The following SH2D1B variants were observed in gnomAD, a reference collection of about 807,000 sequenced individuals.
The protein encoded by SH2D1B is SH2 domain containing 1B.
SH2D1B carries 11 observed loss-of-function variants against 16.3 expected under a neutral mutation model. That is an observed-to-expected ratio of 0.67 (90% CI 0.42 to 1.11). SH2D1B has a LOEUF of 1.11. Ranked by LOEUF, SH2D1B falls within the 50% of genes most tolerant of loss-of-function variation. The probability of loss-of-function intolerance (pLI) is 0.00; values close to 1 mark genes in which losing one functional copy is unlikely to be tolerated. For synonymous variants in SH2D1B, 55 were observed against 56.1 expected, an observed-to-expected ratio of 0.98 and a Z score of 0.09; for missense variants, 123 against 153.1, an observed-to-expected ratio of 0.80 and a Z score of 1.04.
chr1:162,409,631 T>C (rs1648746036), intron 1 of SH2D1B, among the ~76,000 whole-genome samples: 1 of 152,100 alleles, frequency 6.6e-6, no homozygotes, highest in Admixed American at 6.5e-5. Flanking sequence ...CAGGCTGGAG[T>C]ATAATGGCGC....
chr1:162,404,717 T>C (rs539486175), intron 1 of SH2D1B, among the ~76,000 whole-genome samples: 96 of 152,338 alleles, frequency 6.3e-4, no homozygotes, highest in Non-Finnish European at 1.2e-3. Context: ...CATTAGTCAT[T>C]AGTGAAACGC....
intron 1 of SH2D1B, among the ~76,000 whole-genome samples, chr1:162,411,457 T>C (rs1648794134): frequency 6.6e-6 from 1 of 152,206 alleles, no homozygotes; most frequent in Non-Finnish European, 1.5e-5. Flanking sequence ...TATGATTGTA[T>C]TTATAGTTTA....
chr1:162,403,506 AAAAAAATAT>A (rs1483486687), intron 1 of SH2D1B, among the ~76,000 whole-genome samples: 16 of 24,408 alleles, frequency 6.6e-4, no homozygotes, highest in African/African-American at 1.8e-3. Flanking sequence ...AAAAAAAAAA[AAAAAAATAT>A]ATATATATAT....
intron 1 of SH2D1B, among the ~76,000 whole-genome samples, chr1:162,404,913 CA>C (rs1387480946): frequency 6.6e-6 from 1 of 152,202 alleles, no homozygotes; most frequent in African/African-American, 2.4e-5. Flanking sequence ...GATAAGCCTA[CA>C]TAGAACACAC....
intron 2 of SH2D1B, among the ~76,000 whole-genome samples, chr1:162,399,614 G>T (rs1460812227): frequency 6.6e-6 from 1 of 152,156 alleles, no homozygotes; most frequent in Non-Finnish European, 1.5e-5. Flanking sequence ...CAGGTATCAA[G>T]CCCAGCATTC....
Position 162,397,220 on chromosome 1 carries a change from G to A in SH2D1B, c.*60C>T, listed in dbSNP as rs1222494041. The A allele has an allele frequency of 6.3e-7, 1 of 1,579,178 alleles. No homozygotes were observed. The highest frequency in any genetic ancestry group is 8.7e-7 in the Non-Finnish European group (1 of 1,148,886). On this transcript the variant is annotated 3_prime_UTR_variant, in exon 4 of 4. Coordinates refer to ENST00000367929, the MANE Select transcript of SH2D1B (RefSeq NM_053282.5). ...GCTCTGGACCTATGCCTGCAGAAGT[G>A]GGTCATCAGTGAGAACTGTTACTCA...
chr1:162,403,488 G>GAAAAAAAAAAAA (rs1172751501), intron 1 of SH2D1B, among the ~76,000 whole-genome samples: 13 of 20,680 alleles, frequency 6.3e-4, no homozygotes, highest in South Asian at 2.9e-3. Flanking sequence ...GACTCTGTCT[G>GAAAAAAAAAAAA]AAAAAAAAAA....
intron 1 of SH2D1B, among the ~76,000 whole-genome samples, chr1:162,407,516 T>C (rs1648679390): frequency 6.6e-6 from 1 of 152,234 alleles, no homozygotes. Flanking sequence ...ATAGTGATCA[T>C]GTCGCCTACC....
intron 1 of SH2D1B, among the ~76,000 whole-genome samples, chr1:162,406,841 T>C (rs984712528): frequency 1.3e-5 from 2 of 152,208 alleles, no homozygotes. Flanking sequence ...CTCCTTTTCT[T>C]CACACTTGCA....
At chr1:162,409,127 AAAGG>A (rs1553214789) in intron 1 of SH2D1B, among the ~76,000 whole-genome samples, 5 of 151,286 alleles carry the variant, frequency 3.3e-5, no homozygotes, top group Non-Finnish European at 7.4e-5. Flanking sequence ...AAAAAGAAAG[AAAGG>A]AAGGAAGAGA....
chr1:162,410,947 T>G (rs1414504391), intron 1 of SH2D1B, among the ~76,000 whole-genome samples: 2 of 151,518 alleles, frequency 1.3e-5, no homozygotes, highest in African/African-American at 4.9e-5. Flanking sequence ...TGAGCCACTG[T>G]GCCCAGCCAC....
chr1:162,405,830 C>T (rs1022311187), intron 1 of SH2D1B, among the ~76,000 whole-genome samples: 1 of 152,246 alleles, frequency 6.6e-6, no homozygotes, highest in African/African-American at 2.4e-5. Context: ...ATCTATTTAG[C>T]TTTCAAAGTG....
Position 162,402,649 on chromosome 1 carries a change from G to A in SH2D1B, c.198+90C>T, listed in dbSNP as rs938136470. The stretch of plus-strand genomic sequence containing the variant: ...GTGCTTTCCTTTTTAGAATGCTTTC[G>A]CACAGTCATGGCTCAGGTAAAAGAC... On this transcript the variant is annotated intron_variant, in intron 2 of 3. Transcript: ENST00000367929. 1.8e-5 allele frequency: 19 copies of A among 1,079,880 alleles called. No homozygotes were observed. The African/African-American group carries it at 2.4e-4, about 13-fold the overall frequency. 66.9% of individuals were successfully genotyped at this position (1,079,880 alleles called of 1,614,324 possible).
In SH2D1B at chr1:162,395,618, G is replaced by A. The variant is rs892710605; in HGVS notation, c.*1662C>T. Reference sequence around the variant, plus strand: ...AGAAAATAAAATGTTATTATTTATAGCTGACAAAATCATTTACATAGAAAA... The same window carrying A: ...AGAAAATAAAATGTTATTATTTATAACTGACAAAATCATTTACATAGAAAA... On this transcript the variant is annotated 3_prime_UTR_variant, in exon 4 of 4. Coordinates refer to ENST00000367929, the MANE Select transcript of SH2D1B (RefSeq NM_053282.5). 6.6e-6 allele frequency: 1 copy of A among 152,128 alleles called. No homozygotes were observed. The highest frequency in any genetic ancestry group is 1.5e-5 in the Non-Finnish European group (1 of 68,002). The allele number at this position is 152,128 out of a possible 1,614,324, so 9.4% of individuals were successfully genotyped here.
chr1:162,410,216 C>T (rs1195240068), intron 1 of SH2D1B, among the ~76,000 whole-genome samples: 2 of 152,194 alleles, frequency 1.3e-5, no homozygotes, highest in African/African-American at 4.8e-5. Flanking sequence ...TTCTGTTAGG[C>T]TGGTTTAGCC....
At chr1:162,401,439 C>T (rs1031411377) in intron 2 of SH2D1B, among the ~76,000 whole-genome samples, 1 of 152,132 alleles carries the variant, frequency 6.6e-6, no homozygotes, top group Non-Finnish European at 1.5e-5. Context: ...TTCACCCACA[C>T]CCCAATGTTA....
intron 2 of SH2D1B, 45 bp from the exon 3 acceptor site, chr1:162,399,132 C>A (rs376821927): frequency 7.7e-6 from 12 of 1,557,204 alleles, no homozygotes; most frequent in Admixed American, 7.2e-5. Context: ...CATGCAATTG[C>A]GTGTGAAATG....
chr1:162,407,202 C>G (rs1211823800), intron 1 of SH2D1B, among the ~76,000 whole-genome samples: 2 of 152,184 alleles, frequency 1.3e-5, no homozygotes, highest in East Asian at 1.9e-4. Context: ...TCTATTCTCC[C>G]TAAGTGTCGG....
intron 1 of SH2D1B, among the ~76,000 whole-genome samples, chr1:162,410,541 A>G (rs1461146498): frequency 6.6e-6 from 1 of 152,214 alleles, no homozygotes; most frequent in Non-Finnish European, 1.5e-5. Flanking sequence ...GAACATACAT[A>G]AAGATAGGAG....
Sources: gnomAD v4.1 joint callset for allele counts (sites outside exome capture counted in the v4.1 genomes callset) on GRCh38, gnomAD v4.1.1 for gene constraint, MANE v1.5 for transcripts, NCBI Gene and HGNC (gene_info 2026-07-23, HGNC 2026-07-21) for gene names.